Variants in STRN observed in about 807,000 individuals in gnomAD.
STRN encodes the protein protein phosphatase 2 regulatory subunit B'''alpha.
In STRN, 53 loss-of-function variants were observed where a neutral mutation model predicts 96.3. That is an observed-to-expected ratio of 0.55 (90% CI 0.44 to 0.69). The LOEUF (loss-of-function observed/expected upper bound fraction) is 0.69, where lower values mean the gene tolerates loss of function less well. Ranked by LOEUF, STRN falls within the 30% of genes least tolerant of loss-of-function variation. STRN has a pLI of 0.00. For synonymous variants in STRN, 428 were observed against 355.9 expected, an observed-to-expected ratio of 1.20 and a Z score of -2.28; for missense variants, 987 against 963.9, an observed-to-expected ratio of 1.02 and a Z score of -0.32.
chr2:36,896,219 A>G (rs1419896086), intron 6 of STRN, among the ~76,000 whole-genome samples: 2 of 152,240 alleles, frequency 1.3e-5, no homozygotes, highest in Non-Finnish European at 2.9e-5. Context: ...AATATTAGGT[A>G]TTAAGTAATA....
Position 36,849,341 on chromosome 2 carries a change from G to T in STRN, c.*115C>A. ...CTATACTTCAACAAATGTTCTCTGT[G>T]CTCCTTCAGCAGAACAAAAGGGCAG... On this transcript the variant is annotated 3_prime_UTR_variant, in exon 18 of 18. Transcript: ENST00000263918. The T allele has an allele frequency of 8.4e-7, 1 of 1,196,962 alleles. No individual in the cohort carries two copies. The highest frequency in any genetic ancestry group is 1.2e-6 in the Non-Finnish European group (1 of 853,374). 74.1% of individuals were successfully genotyped at this position (1,196,962 alleles called of 1,614,324 possible). A position where few individuals can be genotyped will look rare whatever the true frequency, so the allele number is the denominator to read the frequency against.
intron 8 of STRN, 43 bp downstream of exon 8, chr2:36,886,673 G>A (rs757272202): frequency 2.0e-6 from 3 of 1,465,770 alleles, no homozygotes; most frequent in African/African-American, 1.4e-5. Context: ...GGGATGTAAA[G>A]AGGCAAGATT....
chr2:36,859,474 T>C (rs1420904675), intron 13 of STRN, among the ~76,000 whole-genome samples: 2 of 152,164 alleles, frequency 1.3e-5, no homozygotes, highest in Non-Finnish European at 2.9e-5. Context: ...GTGATTCTCA[T>C]AGTGCCACCA....
chr2:36,904,496 T>C (rs1321155214), intron 4 of STRN, among the ~76,000 whole-genome samples: 3 of 152,176 alleles, frequency 2.0e-5, no homozygotes, highest in Non-Finnish European at 4.4e-5. Flanking sequence ...CCATCATTGT[T>C]TACTCTTTAT....
rs190464235 is a variant in STRN, at chr2:36,854,820, A to G, written c.1978+392T>C. 3.8e-3 allele frequency among the ~76,000 whole-genome samples: 570 copies of G among 151,984 alleles called. 2 individuals carry two copies. The highest frequency in any genetic ancestry group is 0.013 in the African/African-American group (548 of 41,566). On this transcript the variant is annotated intron_variant, in intron 15 of 17. Coordinates refer to ENST00000263918, the MANE Select transcript of STRN (RefSeq NM_003162.4). ...GGTTTGGAATTCTGAGTGCCACAAC[A>G]TGATCTGTATTGAGCTGTACCAAAT...
chr2:36,945,204 T>A (rs1239513003), intron 1 of STRN, among the ~76,000 whole-genome samples: 1 of 152,034 alleles, frequency 6.6e-6, no homozygotes, highest in African/African-American at 2.4e-5. Context: ...ATAAAGATAC[T>A]TTTTTAAAAG....
intron 9 of STRN, among the ~76,000 whole-genome samples, chr2:36,880,068 GC>G (rs1669027982): frequency 6.6e-6 from 1 of 152,148 alleles, no homozygotes; most frequent in African/African-American, 2.4e-5. Context: ...CCAGGTTCAA[GC>G]AAATTCTCCT....
chr2:36,868,290 A>C (rs1388054899), intron 11 of STRN, among the ~76,000 whole-genome samples: 1 of 152,238 alleles, frequency 6.6e-6, no homozygotes, highest in African/African-American at 2.4e-5. Flanking sequence ...CACAGGATTA[A>C]ATAGGATTCT....
At chr2:36,910,510 G>A (rs527828093) in intron 3 of STRN, among the ~76,000 whole-genome samples, 1 of 152,194 alleles carries the variant, frequency 6.6e-6, no homozygotes, top group African/African-American at 2.4e-5. Context: ...TACTATCCAT[G>A]AAGTGGTGTA....
In STRN at chr2:36,966,437, G is replaced by C. The variant is rs776112364; in HGVS notation, c.27C>G (p.Val9=). Residue 9 remains valine, a synonymous_variant, in exon 1 of 18, where the codon GTC becomes GTG. Coordinates refer to ENST00000263918, the MANE Select transcript of STRN (RefSeq NM_003162.4). ...CGCCCGGGTGGTTGTTGCTGAAGAA[G>C]ACGCCGGGACCCGCCTGCTCGTCCA... The part of the protein sequence containing the change: MDEQAGPG[V]FFSNNHPGAG... 6.8e-7 allele frequency: 1 copy of C among 1,466,152 alleles called. No homozygotes were observed. The highest frequency in any genetic ancestry group is 9.0e-7 in the Non-Finnish European group (1 of 1,110,576). The allele number at this position is 1,466,152 out of a possible 1,614,324, so 90.8% of individuals were successfully genotyped here. A position where few individuals can be genotyped will look rare whatever the true frequency, so the allele number is the denominator to read the frequency against.
chr2:36,923,754 AAAAC>A (rs1434470641), intron 2 of STRN, among the ~76,000 whole-genome samples: 1 of 152,182 alleles, frequency 6.6e-6, no homozygotes, highest in South Asian at 2.1e-4. Context: ...CAAAAAGAGA[AAAAC>A]AAAACAAGCA....
At chr2:36,949,312 C>T (rs1664697060) in intron 1 of STRN, among the ~76,000 whole-genome samples, 1 of 152,020 alleles carries the variant, frequency 6.6e-6, no homozygotes, top group Non-Finnish European at 1.5e-5. Context: ...AGAACATATC[C>T]CTGTTGTTAA....
intron 6 of STRN, among the ~76,000 whole-genome samples, chr2:36,895,900 G>T (rs1572656144): frequency 6.6e-6 from 1 of 152,104 alleles, no homozygotes; most frequent in Non-Finnish European, 1.5e-5. Context: ...CCCCAGCCTG[G>T]GTGACAGTGC....
chr2:36,905,618 T>C lies in STRN; in HGVS notation c.413A>G (p.Asp138Gly), dbSNP rs765876629. The change falls in exon 4 of 18, where the codon GAT (aspartate) becomes GGT (glycine). Residue 138 changes from aspartate (D) to glycine (G), a missense_variant and splice_region_variant. Transcript: ENST00000263918. ...CTGCACTTCTGTTTCATTACCTTCA[T>C]CTAGAAAACATTAAGTCATAATAAA... is the stretch of plus-strand genomic sequence containing the variant. Reference protein sequence around the residue: ...GDMKPPSYDSDEGNETEVQPQ... With the variant: ...GDMKPPSYDSGEGNETEVQPQ... 6 of 1,612,546 alleles carry C rather than the reference T, an allele frequency of 3.7e-6. No homozygotes were observed. Among genetic ancestry groups the C allele is most frequent in the Non-Finnish European group, 5.1e-6 (6 of 1,179,836 alleles).
intron 6 of STRN, among the ~76,000 whole-genome samples, chr2:36,895,588 A>G (rs1318495510): frequency 6.6e-6 from 1 of 151,862 alleles, no homozygotes; most frequent in Non-Finnish European, 1.5e-5. Context: ...ATCTATTCTA[A>G]TTTTCCCTAG....
At chr2:36,888,645 G>C (rs200394998) in intron 7 of STRN, among the ~76,000 whole-genome samples, 4 of 143,126 alleles carry the variant, frequency 2.8e-5, no homozygotes, top group African/African-American at 1.1e-4. Context: ...TTATATGTGT[G>C]TGTGTGTGTG....
chr2:36,878,332 T>A (rs1668970697), intron 9 of STRN, among the ~76,000 whole-genome samples: 1 of 152,194 alleles, frequency 6.6e-6, no homozygotes, highest in Admixed American at 6.5e-5. Context: ...GTTTTCCTCA[T>A]TTGATATTTC....
intron 15 of STRN, 64 bp from the exon 16 acceptor site, chr2:36,851,171 C>T: frequency 1.4e-6 from 2 of 1,393,496 alleles, no homozygotes; most frequent in Non-Finnish European, 2.0e-6. Flanking sequence ...CAAAGGAGAA[C>T]TGAATTATCT....
rs1031086096 is a variant in STRN, at chr2:36,897,816, C to T, written c.795+1707G>A. The stretch of plus-strand genomic sequence containing the variant: ...AAATTCCTGGGCTCAAGCGATCCTC[C>T]TTCCTCAGCCTCCCATGCAGTATCA... On this transcript the variant is annotated intron_variant, in intron 6 of 17. Coordinates refer to ENST00000263918, the MANE Select transcript of STRN (RefSeq NM_003162.4). Among the ~76,000 whole-genome samples the T allele has an allele frequency of 1.3e-5, 2 of 152,090 alleles. 1 individual carries two copies.
Sources: gnomAD v4.1 joint callset for allele counts (sites outside exome capture counted in the v4.1 genomes callset) on GRCh38, gnomAD v4.1.1 for gene constraint, MANE v1.5 for transcripts, NCBI Gene and HGNC (gene_info 2026-07-23, HGNC 2026-07-21) for gene names.